The following BICDL1 variants were observed in gnomAD, a reference collection of about 807,000 sequenced individuals.
BICDL1 encodes the protein BICD family like cargo adaptor 1, also known as BICD family-like cargo adapter 1.
A neutral mutation model predicts 76.8 loss-of-function variants in BICDL1; 20 were observed. The observed-to-expected ratio is 0.26, with a 90% CI of 0.18 to 0.38. The LOEUF is 0.38. Among genes scored for constraint, BICDL1 ranks in the 10% least tolerant of loss-of-function variants. The probability of loss-of-function intolerance (pLI) is 1.00; values close to 1 mark genes in which losing one functional copy is unlikely to be tolerated. For missense variants in BICDL1, 700 were observed against 798.6 expected (o/e 0.88, Z 1.49); for synonymous variants, 383 against 337.1 (o/e 1.14, Z -1.49).
intron 9 of BICDL1, 111 bp from the exon 10 acceptor site, chr12:120,092,889 C>T (rs545813395): frequency 2.7e-6 from 4 of 1,461,964 alleles, no homozygotes; most frequent in African/African-American, 1.5e-5. Context: ...CAGCCTCTCA[C>T]TCATCACATT....
At chr12:120,063,870 G>A (rs1953160275) in intron 3 of BICDL1, among the ~76,000 whole-genome samples, 3 of 152,112 alleles carry the variant, frequency 2.0e-5, no homozygotes, top group Admixed American at 1.3e-4. Context: ...GGGAGCACTG[G>A]CTCAGCTTCT....
chr12:120,073,371 A>G (rs1184362596), intron 6 of BICDL1, among the ~76,000 whole-genome samples: 4 of 152,262 alleles, frequency 2.6e-5, no homozygotes, highest in Non-Finnish European at 5.9e-5. Flanking sequence ...GTATCCAAGT[A>G]AAAACTGTAA....
chr12:120,086,486 G>C (rs1276901131), intron 8 of BICDL1, among the ~76,000 whole-genome samples: 2 of 152,188 alleles, frequency 1.3e-5, no homozygotes, highest in Non-Finnish European at 2.9e-5. Context: ...GAAATCACGG[G>C]GTGGGGTCAG....
Position 120,071,903 on chromosome 12 carries a change from CT to C in BICDL1, c.1089+103del. ...CTGCCATCCTGGCAAGGCTGTGCCCCTGTGCCTGTGTCAGCCCCTTGGCCTG... is the reference window on the plus strand; with the variant it reads ...CTGCCATCCTGGCAAGGCTGTGCCCCGTGCCTGTGTCAGCCCCTTGGCCTG... On this transcript the variant is annotated intron_variant, in intron 5 of 9. Coordinates refer to ENST00000548673, the MANE Select transcript of BICDL1 (RefSeq NM_001367886.1). The surrounding 1 kb of genome is among the most constrained non-coding windows in gnomAD (Gnocchi z 4.8). 7.0e-7 allele frequency: 1 copy of C among 1,423,388 alleles called. No individual in the cohort carries two copies. Among genetic ancestry groups the C allele is most frequent in the Non-Finnish European group, 9.2e-7 (1 of 1,090,326 alleles). 88.2% of individuals were successfully genotyped at this position (1,423,388 alleles called of 1,614,324 possible).
intron 2 of BICDL1, among the ~76,000 whole-genome samples, chr12:120,008,681 T>G (rs1951897159): frequency 6.6e-6 from 1 of 152,254 alleles, no homozygotes. Flanking sequence ...GGTGGTATTG[T>G]TTTGGATGCC....
Position 120,094,305 on chromosome 12 carries a change from G to A in BICDL1, c.*1144G>A, listed in dbSNP as rs545012687. On this transcript the variant is annotated 3_prime_UTR_variant, in exon 10 of 10. Coordinates refer to ENST00000548673, the MANE Select transcript of BICDL1 (RefSeq NM_001367886.1). Reference sequence around the variant, plus strand: ...TGGGGAAAGCACAGCAGGGATGCGCGGCAAGAATGTACCTGTAGATGTGTA... The same window carrying A: ...TGGGGAAAGCACAGCAGGGATGCGCAGCAAGAATGTACCTGTAGATGTGTA... 2.8e-4 allele frequency: 130 copies of A among 456,636 alleles called. No homozygotes were observed. The highest frequency in any genetic ancestry group is 5.1e-4 in the Non-Finnish European group (115 of 226,974). 28.3% of individuals were successfully genotyped at this position (456,636 alleles called of 1,614,324 possible).
At chr12:120,001,720 T>C (rs1254798445) in intron 2 of BICDL1, among the ~76,000 whole-genome samples, 1 of 152,180 alleles carries the variant, frequency 6.6e-6, no homozygotes, top group Non-Finnish European at 1.5e-5. Flanking sequence ...TTTATTGAGA[T>C]ATAATTCACA....
chr12:120,015,881 A>G (rs182314935), intron 2 of BICDL1, among the ~76,000 whole-genome samples: 68 of 152,328 alleles, frequency 4.5e-4, no homozygotes, highest in Non-Finnish European at 8.2e-4. Context: ...ACCTTCTACA[A>G]TATTTTGAAA....
intron 2 of BICDL1, among the ~76,000 whole-genome samples, chr12:120,039,562 C>CGG (rs1952594235): frequency 7.8e-6 from 1 of 128,276 alleles, no homozygotes; most frequent in African/African-American, 3.1e-5. Flanking sequence ...TGCTTGAACC[C>CGG]GGGAGGCGGA....
In BICDL1 at chr12:120,076,686, T is replaced by A. The variant is rs1594205278; in HGVS notation, c.1452+2100T>A. ...TCCCACGCGGGGTATAGAATTGGAC[T>A]TCTGTAGGCCATCTCTTCCCAGATG... On this transcript the variant is annotated intron_variant, in intron 7 of 9. Transcript: ENST00000548673. 2.0e-5 allele frequency among the ~76,000 whole-genome samples: 3 copies of A among 152,342 alleles called. No homozygotes were observed. In the South Asian group the frequency reaches 6.2e-4, roughly 32 times the overall value.
At chr12:120,042,195 C>T (rs1048565125) in intron 2 of BICDL1, among the ~76,000 whole-genome samples, 4 of 152,046 alleles carry the variant, frequency 2.6e-5, no homozygotes, top group African/African-American at 4.8e-5. Context: ...CTATTATATG[C>T]CAGGCAGTGT....
At chr12:120,026,437 T>TA (rs1007567331) in intron 2 of BICDL1, among the ~76,000 whole-genome samples, 5 of 151,284 alleles carry the variant, frequency 3.3e-5, no homozygotes, top group African/African-American at 4.9e-5. Context: ...AGTGAAGTTC[T>TA]AAAAAAAAAT....
At chr12:120,052,265 C>G (rs1952877946) in intron 2 of BICDL1, among the ~76,000 whole-genome samples, 1 of 133,428 alleles carries the variant, frequency 7.5e-6, no homozygotes, top group African/African-American at 2.7e-5. Context: ...CCCTCCCCTT[C>G]TCTCTCTCTC....
rs533408478 is a variant in BICDL1, at chr12:120,045,909, T to G, written c.646-15801T>G. Among the ~76,000 whole-genome samples, 5 of 108,468 alleles carry G rather than the reference T, an allele frequency of 4.6e-5. No homozygotes were observed. The South Asian group carries it at 1.5e-3, about 32-fold the overall frequency. The allele number at this position is 108,468 out of a possible 152,430, so 71.2% of individuals were successfully genotyped here. A position where few individuals can be genotyped will look rare whatever the true frequency, so the allele number is the denominator to read the frequency against. The stretch of plus-strand genomic sequence containing the variant: ...CATTGTGCACATGTACCCTAAAACT[T>G]AAAGTATTATAATAATAATAATAAT... On this transcript the variant is annotated intron_variant, in intron 2 of 9. Transcript: ENST00000548673.
At chr12:120,027,442 C>G (rs1952330160) in intron 2 of BICDL1, among the ~76,000 whole-genome samples, 1 of 152,074 alleles carries the variant, frequency 6.6e-6, no homozygotes, top group Non-Finnish European at 1.5e-5. Context: ...TATATTAAAT[C>G]TCATTTGAGA....
chr12:120,090,115 G>A (rs1322400898), intron 9 of BICDL1, 44 bp downstream of exon 9: 3 of 1,606,024 alleles, frequency 1.9e-6, no homozygotes, highest in Non-Finnish European at 2.5e-6. Flanking sequence ...GACTCCAGGA[G>A]GAATCTCTGA....
At position 120,074,468 on chromosome 12, in the gene BICDL1, C is replaced by G. The variant is rs931441823; in HGVS notation, c.1334C>G (p.Ser445Cys). 2.4e-6 allele frequency: 3 copies of G among 1,255,912 alleles called. No individual in the cohort carries two copies. Among genetic ancestry groups the G allele is most frequent in the Non-Finnish European group, 2.1e-6 (2 of 973,672 alleles). 77.8% of individuals were successfully genotyped at this position (1,255,912 alleles called of 1,614,324 possible). ...PTGSRRLDDD[S>C]LEEQIRQTSE... ...GGCTCCCGGAGACTTGATGATGACT[C>G]CTTAGAAGAACAGATAAGGCAGACC... Residue 445 changes from serine to cysteine, a missense_variant, in exon 7 of 10, where the codon TCC becomes TGC. Physicochemically the swap from Ser to Cys is moderately radical, Grantham distance 112 (BLOSUM62 -1). Around this residue, in one of 3 missense-constraint regions of BICDL1, gnomAD observed 455 missense variants for 548.7 expected, o/e 0.83. Coordinates refer to ENST00000548673, the MANE Select transcript of BICDL1 (RefSeq NM_001367886.1).
chr12:120,052,021 A>G (rs189376442), intron 2 of BICDL1, among the ~76,000 whole-genome samples: 245 of 151,848 alleles, frequency 1.6e-3, no homozygotes, highest in African/African-American at 5.8e-3. Flanking sequence ...GCTCACTGCA[A>G]CCTCTGCCTC....
chr12:120,058,869 G>A (rs888791868), intron 2 of BICDL1, among the ~76,000 whole-genome samples: 1 of 152,060 alleles, frequency 6.6e-6, no homozygotes, highest in African/African-American at 2.4e-5. Flanking sequence ...GGGATTAGAG[G>A]CGTGAGCCAC....
Sources: allele counts gnomAD v4.1 joint callset (sites outside exome capture counted in the v4.1 genomes callset), GRCh38; gene constraint gnomAD v4.1.1; regional missense constraint gnomAD v4.1.1; non-coding constraint Gnocchi (gnomAD v3.1); transcripts MANE v1.5; gene names NCBI Gene and HGNC (gene_info 2026-07-23, HGNC 2026-07-21).